Variants in TTC39B observed in about 807,000 individuals in gnomAD.
TTC39B encodes tetratricopeptide repeat protein 39B.
In TTC39B, 92 loss-of-function variants were observed where a neutral mutation model predicts 96.6. The observed-to-expected ratio is 0.95, with a 90% confidence interval of 0.80 to 1.13. The LOEUF is 1.13. Among genes scored for constraint, TTC39B ranks in the 50% most tolerant of loss-of-function variants. TTC39B has a pLI of 0.00. For synonymous variants in TTC39B, 367 were observed against 299.4 expected, an observed-to-expected ratio of 1.23 and a Z score of -2.33; for missense variants, 955 against 809.3, an observed-to-expected ratio of 1.18 and a Z score of -2.18.
At chr9:15,166,651 A>G (rs1265993980) in exon 20 of TTC39B, 1 of 152,128 alleles carries the variant, frequency 6.6e-6, no homozygotes, top group African/African-American at 2.4e-5. Context: ...TCTAACAGCA[A>G]ATGTGTAAAA....
At chr9:15,237,655 GAA>G (rs35743064) in intron 2 of TTC39B, among the ~76,000 whole-genome samples, 46 of 138,836 alleles carry the variant, frequency 3.3e-4, no homozygotes, top group East Asian at 6.1e-4. Context: ...AAATCTTCTG[GAA>G]AAAAAAAAAA....
intron 17 of TTC39B, among the ~76,000 whole-genome samples, chr9:15,179,618 T>C (rs1469219503): frequency 2.0e-5 from 3 of 152,218 alleles, no homozygotes; most frequent in Non-Finnish European, 4.4e-5. Flanking sequence ...AAAACAGACA[T>C]TCAAGAAGTA....
At chr9:15,176,006 T>C (rs1475866136) in intron 18 of TTC39B, among the ~76,000 whole-genome samples, 2 of 152,184 alleles carry the variant, frequency 1.3e-5, no homozygotes, top group Non-Finnish European at 2.9e-5. Context: ...AAGAATTCCT[T>C]AGGAAATCAA....
At chr9:15,264,444 A>G (rs946439960) in intron 2 of TTC39B, among the ~76,000 whole-genome samples, 3 of 152,142 alleles carry the variant, frequency 2.0e-5, no homozygotes, top group Non-Finnish European at 4.4e-5. Flanking sequence ...ACCTGAGGTC[A>G]GGAGTTTGAG....
intron 16 of TTC39B, chr9:15,183,484 C>A: frequency 2.8e-6 from 1 of 352,530 alleles, no homozygotes; most frequent in Non-Finnish European, 5.5e-6. Context: ...AAAAAAAATC[C>A]CAGTACTAAC....
intron 6 of TTC39B, among the ~76,000 whole-genome samples, chr9:15,207,814 C>A (rs1351497643): frequency 6.6e-6 from 1 of 151,142 alleles, no homozygotes; most frequent in East Asian, 2.0e-4. Context: ...GAAACCCCGT[C>A]TCTACTAAAA....
chr9:15,278,241 A>T (rs1019372687), intron 1 of TTC39B, among the ~76,000 whole-genome samples: 8 of 152,342 alleles, frequency 5.3e-5, no homozygotes, highest in African/African-American at 1.9e-4. Flanking sequence ...ACATTGAACA[A>T]ATACTTTAAG....
chr9:15,266,706 T>G (rs916982717), intron 2 of TTC39B, among the ~76,000 whole-genome samples: 14 of 152,020 alleles, frequency 9.2e-5, no homozygotes, highest in African/African-American at 3.4e-4. Context: ...GGAATTTAAA[T>G]ATGGAGCCTT....
exon 20 of TTC39B, chr9:15,163,733 T>A (rs1470260798): frequency 1.3e-5 from 2 of 152,314 alleles, no homozygotes; most frequent in African/African-American, 2.4e-5. Context: ...TAAACCTGTA[T>A]CTAAATGCAG....
At chr9:15,175,423 C>T (rs1005837970) in intron 18 of TTC39B, among the ~76,000 whole-genome samples, 2 of 151,988 alleles carry the variant, frequency 1.3e-5, no homozygotes, top group Non-Finnish European at 2.9e-5. Flanking sequence ...CTAGAAATGG[C>T]AAGATCATCT....
chr9:15,168,965 T>TG lies in TTC39B; in HGVS notation c.*3053_*3054insC, dbSNP rs1564301148. ...TGGTAGGGGGGGAGCATTTTTTCTT[T>TG]ACACACTCCCTGCTGATTTGAAGCC... is the stretch of plus-strand genomic sequence containing the variant. On this transcript the variant is annotated 3_prime_UTR_variant, in exon 20 of 20. Transcript: ENST00000512701. 4 of 152,064 alleles carry TG rather than the reference T, an allele frequency of 2.6e-5. No individual in the cohort carries two copies. The East Asian group carries it at 7.7e-4, about 29-fold the overall frequency. The allele number at this position is 152,064 out of a possible 1,614,324, so 9.4% of individuals were successfully genotyped here. A position where few individuals can be genotyped will look rare whatever the true frequency, so the allele number is the denominator to read the frequency against.
intron 2 of TTC39B, among the ~76,000 whole-genome samples, chr9:15,238,023 T>C (rs1018292455): frequency 6.6e-6 from 1 of 152,158 alleles, no homozygotes; most frequent in African/African-American, 2.4e-5. Context: ...CGTATGATTA[T>C]CTCAATAGAC....
intron 1 of TTC39B, among the ~76,000 whole-genome samples, chr9:15,286,011 T>C (rs1823963402): frequency 1.3e-5 from 2 of 152,240 alleles, no homozygotes; most frequent in African/African-American, 4.8e-5. Context: ...AGTATTTTTT[T>C]CCTGAACCAT....
chr9:15,305,173 A>C (rs1824716866), intron 1 of TTC39B, among the ~76,000 whole-genome samples: 1 of 152,196 alleles, frequency 6.6e-6, no homozygotes, highest in African/African-American at 2.4e-5. Flanking sequence ...CAAATAAATC[A>C]AGGGTATCCA....
intron 1 of TTC39B, among the ~76,000 whole-genome samples, chr9:15,269,782 G>A (rs1823271512): frequency 6.6e-6 from 1 of 151,740 alleles, no homozygotes. Flanking sequence ...TTGAACCTGG[G>A]AGGCGGACGT....
intron 2 of TTC39B, among the ~76,000 whole-genome samples, chr9:15,226,971 GT>G (rs33927103): frequency 6.6e-6 from 1 of 152,086 alleles, no homozygotes; most frequent in African/African-American, 2.4e-5. Flanking sequence ...AGTTTTGCGT[GT>G]TTTTTTGTGG....
intron 6 of TTC39B, among the ~76,000 whole-genome samples, chr9:15,207,741 T>G (rs1302183258): frequency 1.3e-5 from 2 of 151,924 alleles, no homozygotes; most frequent in African/African-American, 4.8e-5. Flanking sequence ...ATCCCAGTAC[T>G]TCGGGAGGCT....
At chr9:15,300,452 C>T (rs554845910) in intron 1 of TTC39B, among the ~76,000 whole-genome samples, 4 of 152,314 alleles carry the variant, frequency 2.6e-5, no homozygotes, top group South Asian at 4.1e-4. Context: ...CTCTACTCTA[C>T]TTCATTACTC....
At chr9:15,174,880 A>G in intron 19 of TTC39B, 139 bp downstream of exon 19, 1 of 673,946 alleles carries the variant, frequency 1.5e-6, no homozygotes, top group Non-Finnish European at 2.6e-6. Flanking sequence ...GCATAAATCA[A>G]CCAGAAGTTA....
Sources: gnomAD v4.1 joint callset for allele counts (sites outside exome capture counted in the v4.1 genomes callset) on GRCh38, gnomAD v4.1.1 for gene constraint, MANE v1.5 for transcripts, NCBI Gene and HGNC (gene_info 2026-07-23, HGNC 2026-07-21) for gene names.